Variants in ZNHIT6 observed in about 807,000 individuals in gnomAD.
ZNHIT6 encodes the protein zinc finger HIT-type containing 6.
In ZNHIT6, 45 loss-of-function variants were observed where a neutral mutation model predicts 57.2. The ratio of observed to expected loss-of-function variants is 0.79; its 90% confidence interval spans 0.62 to 1.01. ZNHIT6 has a LOEUF of 1.01. ZNHIT6 is among the 50% of genes least tolerant of loss of function. ZNHIT6 has a pLI of 0.00. For synonymous variants in ZNHIT6, 188 were observed against 190.0 expected, an observed-to-expected ratio of 0.99 and a Z score of 0.09; for missense variants, 528 against 567.3, an observed-to-expected ratio of 0.93 and a Z score of 0.70.
intron 5 of ZNHIT6, among the ~76,000 whole-genome samples, chr1:85,694,609 A>C (rs893102127): frequency 2.0e-5 from 3 of 152,052 alleles, no homozygotes; most frequent in African/African-American, 4.8e-5. Flanking sequence ...TTACAGGCGC[A>C]CGCCTCCACG....
chr1:85,687,992 G>A (rs1020305729), intron 5 of ZNHIT6, among the ~76,000 whole-genome samples: 1 of 149,994 alleles, frequency 6.7e-6, no homozygotes, highest in South Asian at 2.1e-4. Flanking sequence ...GCAGTGAGCC[G>A]AGATCGTGCC....
At chr1:85,691,092 A>AT (rs1425360433) in intron 5 of ZNHIT6, among the ~76,000 whole-genome samples, 1 of 152,166 alleles carries the variant, frequency 6.6e-6, no homozygotes, top group Non-Finnish European at 1.5e-5. Context: ...CTCACAGTTA[A>AT]TTCTGGCATG....
intron 5 of ZNHIT6, among the ~76,000 whole-genome samples, chr1:85,694,997 C>T (rs1662324645): frequency 6.6e-6 from 1 of 151,996 alleles, no homozygotes; most frequent in Non-Finnish European, 1.5e-5. Context: ...GGCACAGTGG[C>T]GCACATCTGT....
intron 8 of ZNHIT6, among the ~76,000 whole-genome samples, chr1:85,661,685 A>G (rs1229844270): frequency 1.3e-5 from 2 of 152,232 alleles, no homozygotes; most frequent in African/African-American, 4.8e-5. Context: ...TTAAGAGCCC[A>G]GCTTTGCACT....
At chr1:85,657,323 G>A (rs1270977628) in intron 9 of ZNHIT6, among the ~76,000 whole-genome samples, 3 of 151,584 alleles carry the variant, frequency 2.0e-5, no homozygotes, top group African/African-American at 7.3e-5. Context: ...AAAGGGTAAA[G>A]GCAATGGCAT....
At chr1:85,667,663 T>A (rs1359010036) in intron 8 of ZNHIT6, among the ~76,000 whole-genome samples, 1 of 147,528 alleles carries the variant, frequency 6.8e-6, no homozygotes, top group Admixed American at 6.8e-5. Context: ...CCATGTGTGG[T>A]GGCTCACACC....
intron 5 of ZNHIT6, among the ~76,000 whole-genome samples, chr1:85,700,145 A>G (rs1662487507): frequency 6.6e-6 from 1 of 152,158 alleles, no homozygotes; most frequent in Admixed American, 6.5e-5. Flanking sequence ...ATTATAGGTG[A>G]TATTTTTCCT....
In ZNHIT6 at chr1:85,650,158, A is replaced by G. The variant is rs186193771; in HGVS notation, c.*3900T>C. On this transcript the variant is annotated 3_prime_UTR_variant, in exon 10 of 10. Transcript: ENST00000370574. ...TTGATTAGCTCAGGAACGGAATGTG[A>G]TCCAATCTGGGCAAAATAAAAGTAC... 1 of 152,320 alleles carries G rather than the reference A, an allele frequency of 6.6e-6. No individual in the cohort carries two copies. The highest frequency in any genetic ancestry group is 1.9e-4 in the East Asian group (1 of 5,178). The allele number at this position is 152,320 out of a possible 1,614,324, so 9.4% of individuals were successfully genotyped here. A position where few individuals can be genotyped will look rare whatever the true frequency, so the allele number is the denominator to read the frequency against.
At chr1:85,705,211 G>A (rs1662649415) in intron 4 of ZNHIT6, among the ~76,000 whole-genome samples, 1 of 152,076 alleles carries the variant, frequency 6.6e-6, no homozygotes, top group African/African-American at 2.4e-5. Flanking sequence ...ACCCTCACCA[G>A]TTTCTTTTCT....
intron 8 of ZNHIT6, among the ~76,000 whole-genome samples, chr1:85,675,643 T>C (rs1166211026): frequency 2.0e-5 from 3 of 152,224 alleles, no homozygotes; most frequent in African/African-American, 7.2e-5. Flanking sequence ...TTGAAGCTTT[T>C]ATGGCAGGCA....
chr1:85,706,236 T>C lies in ZNHIT6; in HGVS notation c.829+13A>G. 1 of 1,609,006 alleles carries C rather than the reference T, an allele frequency of 6.2e-7. No homozygotes were observed. Among genetic ancestry groups the C allele is most frequent in the Non-Finnish European group, 8.5e-7 (1 of 1,176,268 alleles). On this transcript the variant is annotated intron_variant, in intron 3 of 9. Transcript: ENST00000370574. ...CCAGGAAGCCTCAATTTGCTATGCA[T>C]AAAGTGGCTTACCACTTAGGAGATT...
chr1:85,700,761 T>G (rs1267455466), intron 5 of ZNHIT6, among the ~76,000 whole-genome samples: 1 of 152,224 alleles, frequency 6.6e-6, no homozygotes, highest in Non-Finnish European at 1.5e-5. Context: ...TATGCCAGTT[T>G]CAAAACGCAC....
intron 8 of ZNHIT6, among the ~76,000 whole-genome samples, chr1:85,667,461 G>T (rs896596890): frequency 6.6e-6 from 1 of 151,964 alleles, no homozygotes; most frequent in Admixed American, 6.6e-5. Context: ...GAAAAACAAT[G>T]ATACTTTTGT....
chr1:85,689,982 T>G (rs1662172569), intron 5 of ZNHIT6, among the ~76,000 whole-genome samples: 1 of 152,196 alleles, frequency 6.6e-6, no homozygotes. Context: ...CTGTTTCATA[T>G]TAACTGCGGA....
chr1:85,658,326 T>C (rs557863341), intron 8 of ZNHIT6, among the ~76,000 whole-genome samples: 155 of 152,226 alleles, frequency 1.0e-3, no homozygotes, highest in African/African-American at 3.6e-3. Context: ...TCTCCCAGGC[T>C]CAAGCGATTC....
chr1:85,672,723 A>G (rs1661592440), intron 8 of ZNHIT6, among the ~76,000 whole-genome samples: 1 of 152,002 alleles, frequency 6.6e-6, no homozygotes, highest in African/African-American at 2.4e-5. Context: ...TTATATGCCT[A>G]GAAGATTAAA....
intron 8 of ZNHIT6, among the ~76,000 whole-genome samples, chr1:85,673,461 G>A (rs886114589): frequency 7.2e-5 from 11 of 152,074 alleles, no homozygotes; most frequent in Admixed American, 6.6e-4. Context: ...TAGCTGACCA[G>A]GTATATCTAT....
intron 9 of ZNHIT6, among the ~76,000 whole-genome samples, chr1:85,654,584 G>C (rs1661009051): frequency 6.6e-6 from 1 of 152,266 alleles, no homozygotes; most frequent in South Asian, 2.1e-4. Flanking sequence ...GTCTTGCTTA[G>C]AGCAAGCAAG....
intron 8 of ZNHIT6, among the ~76,000 whole-genome samples, chr1:85,668,503 T>G (rs940876491): frequency 2.4e-4 from 36 of 152,324 alleles, no homozygotes; most frequent in African/African-American, 8.2e-4. Flanking sequence ...GCTGTTTACA[T>G]AAGAAAAGAC....
Sources: gnomAD v4.1 joint callset for allele counts (sites outside exome capture counted in the v4.1 genomes callset) on GRCh38, gnomAD v4.1.1 for gene constraint, MANE v1.5 for transcripts, NCBI Gene and HGNC (gene_info 2026-07-23, HGNC 2026-07-21) for gene names.